ASB8: variants seen among roughly 807,000 people sequenced by gnomAD.
ASB8 encodes ankyrin repeat and SOCS box protein 8.
ASB8 carries 15 observed loss-of-function variants against 22.9 expected under a neutral mutation model. The ratio of observed to expected loss-of-function variants is 0.66; its 90% CI spans 0.44 to 1.01. ASB8 has a LOEUF of 1.01. ASB8 is among the 50% of genes least tolerant of loss of function. The probability of loss-of-function intolerance (pLI) is 0.00; values close to 1 mark genes in which losing one functional copy is unlikely to be tolerated. For synonymous variants in ASB8, 124 were observed against 140.8 expected, an observed-to-expected ratio of 0.88 and a Z score of 0.84; for missense variants, 294 against 356.9, an observed-to-expected ratio of 0.82 and a Z score of 1.42.
intron 2 of ASB8, chr12:48,152,839 T>C (rs970327932): frequency 6.9e-6 from 1 of 145,072 alleles, no homozygotes; most frequent in Non-Finnish European, 1.5e-5. Flanking sequence ...TACAAAAAAT[T>C]AAAAAAAAAA....
intron 1 of ASB8, among the ~76,000 whole-genome samples, chr12:48,155,742 A>ATATATAT (rs1555211489): frequency 3.5e-5 from 4 of 114,956 alleles, no homozygotes; most frequent in African/African-American, 1.4e-4. Flanking sequence ...AAAAAAAAAA[A>ATATATAT]ATATATATAT....
rs1951144965 is a variant in ASB8 at position 48,148,737 on chromosome 12, C to T, written c.*629G>A. The stretch of plus-strand genomic sequence containing the variant: ...GGAGTGCAATGGCGCGATCTTGGCT[C>T]ACTGCAACCTCTGCCTCACAGGTTC... On this transcript the variant is annotated 3_prime_UTR_variant, in exon 4 of 4. Coordinates refer to ENST00000317697, the MANE Select transcript of ASB8 (RefSeq NM_024095.5). 1 of 136,400 alleles carries T rather than the reference C, an allele frequency of 7.3e-6. No homozygotes were observed. The highest frequency in any genetic ancestry group is 2.4e-4 in the South Asian group (1 of 4,170). The allele number at this position is 136,400 out of a possible 1,614,324, so 8.4% of individuals were successfully genotyped here.
intron 2 of ASB8, chr12:48,151,565 C>G: frequency 6.8e-7 from 1 of 1,475,784 alleles, no homozygotes; most frequent in South Asian, 1.2e-5. Flanking sequence ...AGATGGTCAC[C>G]TGGACATCAC....
rs1951197674 is a variant in ASB8, at chr12:48,151,261, G to A, written c.174C>T (p.His58=). 6.2e-7 allele frequency: 1 copy of A among 1,613,996 alleles called. No individual in the cohort carries two copies. The highest frequency in any genetic ancestry group is 1.1e-5 in the South Asian group (1 of 91,078). ...NCTHGTLKPL[H]CACMVSDADC... Reference sequence around the variant, plus strand: ...CAGCATCTGACACCATACAGGCACAGTGCAAGGGCTTCAGTGTGCCATGAG... The same window carrying A: ...CAGCATCTGACACCATACAGGCACAATGCAAGGGCTTCAGTGTGCCATGAG... The change falls in exon 3 of 4, where the codon CAC becomes CAT. Residue 58 remains histidine (H), a synonymous_variant. Coordinates refer to ENST00000317697, the MANE Select transcript of ASB8 (RefSeq NM_024095.5).
Position 48,153,440 on chromosome 12 carries a change from GGAGA to G in ASB8, c.53_56del (p.Leu18ProfsTer4), listed in dbSNP as rs763774928. 1.4e-5 allele frequency: 22 copies of G among 1,613,414 alleles called. No homozygotes were observed. Among genetic ancestry groups the G allele is most frequent in the Non-Finnish European group, 9.3e-6 (11 of 1,179,474 alleles). On this transcript the variant is annotated frameshift_variant, in exon 2 of 4. Coordinates refer to ENST00000317697, the MANE Select transcript of ASB8 (RefSeq NM_024095.5). LOFTEE classifies it high-confidence loss of function. ...CAGCAATTGTTCGGATTAAGCGCTC[GGAGA>G]GAGAGTATTTGCTCTGAATGCTCTG...
rs1156768838 is a variant in ASB8, at chr12:48,148,006, G to C, written c.*1360C>G. ...CTTGATCTAATTTAGAAAAATGAAA[G>C]AGTATCGTTCACTAAAGCAGATCTC... On this transcript the variant is annotated 3_prime_UTR_variant, in exon 4 of 4. Transcript: ENST00000317697. The C allele has an allele frequency of 1.3e-5, 2 of 152,068 alleles. No homozygotes were observed. The highest frequency in any genetic ancestry group is 2.9e-5 in the Non-Finnish European group (2 of 68,018). 9.4% of individuals were successfully genotyped at this position (152,068 alleles called of 1,614,324 possible).
intron 1 of ASB8, 199 bp downstream of exon 1, chr12:48,157,260 G>GA (rs1951321947): frequency 6.6e-6 from 1 of 152,252 alleles, no homozygotes; most frequent in East Asian, 1.9e-4. Flanking sequence ...GTCCGGTACT[G>GA]AAAGAGAATC....
chr12:48,150,510 T>C (rs1951182556), intron 3 of ASB8, among the ~76,000 whole-genome samples: 1 of 152,216 alleles, frequency 6.6e-6, no homozygotes, highest in African/African-American at 2.4e-5. Flanking sequence ...TGTTAGAATA[T>C]AAGTCAGACC....
chr12:48,153,289 A>G, intron 2 of ASB8, 79 bp downstream of exon 2: 1 of 1,541,304 alleles, frequency 6.5e-7, no homozygotes, highest in Non-Finnish European at 8.9e-7. Flanking sequence ...GGTTGAGTCA[A>G]AGCTGCAAAT....
intron 1 of ASB8, chr12:48,153,993 T>G (rs1314362985): frequency 6.4e-6 from 1 of 155,224 alleles, no homozygotes; most frequent in Non-Finnish European, 1.4e-5. Context: ...GTCTTCTACT[T>G]TTTCACCCAT....
rs767246415 is a variant in ASB8 at position 48,151,177 on chromosome 12, A to G, written c.234+24T>C. ...AAGCTCAAGTTTTAGTGAGTCATTA[A>G]TGTGAATGTGTTAAAAACATTACCT... On this transcript the variant is annotated intron_variant, in intron 3 of 3. Transcript: ENST00000317697. The G allele has an allele frequency of 4.5e-6, 7 of 1,551,974 alleles. No individual in the cohort carries two copies. In the East Asian group the frequency reaches 1.3e-4, roughly 30 times the overall value.
At chr12:48,151,179 G>A (rs1289026530) in intron 3 of ASB8, 22 bp downstream of exon 3, 1 of 1,556,960 alleles carries the variant, frequency 6.4e-7, no homozygotes. Context: ...AGTCATTAAT[G>A]TGAATGTGTT....
At chr12:48,156,549 G>T (rs1951308231) in intron 1 of ASB8, among the ~76,000 whole-genome samples, 1 of 152,080 alleles carries the variant, frequency 6.6e-6, no homozygotes, top group Non-Finnish European at 1.5e-5. Context: ...CTTGAACCTG[G>T]AAGTTCAAGA....
chr12:48,157,405 G>C (rs1312007717), intron 1 of ASB8, 54 bp downstream of exon 1: 1 of 152,248 alleles, frequency 6.6e-6, no homozygotes, highest in Non-Finnish European at 1.5e-5. Context: ...TATTGGGCGT[G>C]GTACCCTGGG....
intron 1 of ASB8, among the ~76,000 whole-genome samples, chr12:48,154,358 G>A (rs904903037): frequency 1.3e-5 from 2 of 151,546 alleles, no homozygotes; most frequent in Admixed American, 1.3e-4. Context: ...GTGGGCGCCT[G>A]TAGTCCCAAC....
chr12:48,151,624 G>A, intron 2 of ASB8: 4 of 1,396,802 alleles, frequency 2.9e-6, no homozygotes, highest in Non-Finnish European at 3.8e-6. Flanking sequence ...TCATCAGGCA[G>A]GAAAGCTGGA....
Position 48,149,229 on chromosome 12 carries a change from A to G in ASB8, c.*137T>C, listed in dbSNP as rs1951153417. The G allele has an allele frequency of 9.6e-6, 9 of 933,878 alleles. No individual in the cohort carries two copies. The South Asian group carries it at 1.6e-4, about 16-fold the overall frequency. The allele number at this position is 933,878 out of a possible 1,614,324, so 57.8% of individuals were successfully genotyped here. ...GGGAAGGGGAGGTGCTATGGAGGTT[A>G]TTGTTGTGACATGTTGCTTCGAAAT... On this transcript the variant is annotated 3_prime_UTR_variant, in exon 4 of 4. Transcript: ENST00000317697.
chr12:48,153,317 T>C (rs1284682670), intron 2 of ASB8, 51 bp downstream of exon 2: 1 of 1,597,178 alleles, frequency 6.3e-7, no homozygotes, highest in East Asian at 2.2e-5. Context: ...CCATGAGGAT[T>C]TTGCCCACTT....
intron 3 of ASB8, among the ~76,000 whole-genome samples, chr12:48,150,737 T>G (rs1480107668): frequency 6.6e-6 from 1 of 152,226 alleles, no homozygotes. Context: ...CAACCTTTTA[T>G]TTGGCTAAAA....
Sources: allele counts gnomAD v4.1 joint callset (sites outside exome capture counted in the v4.1 genomes callset), GRCh38; gene constraint gnomAD v4.1.1; transcripts MANE v1.5; gene names NCBI Gene and HGNC (gene_info 2026-07-23, HGNC 2026-07-21).